Variants in IL1RAPL1 observed in about 807,000 individuals in gnomAD.
IL1RAPL1 encodes the protein interleukin 1 receptor accessory protein like 1, also known as interleukin-1 receptor accessory protein-like 1.
A neutral mutation model predicts 48.4 loss-of-function variants in IL1RAPL1; 3 were observed. That is an observed-to-expected ratio of 0.06 (90% confidence interval 0.03 to 0.16). The LOEUF is 0.16. IL1RAPL1 is among the 10% of genes least tolerant of loss of function. The pLI is 1.00. For missense variants in IL1RAPL1, 349 were observed against 530.6 expected (o/e 0.66, Z 3.36); for synonymous variants, 185 against 187.7 (o/e 0.99, Z 0.12).
At chrX:29,745,443 T>TG (rs1928310191) in intron 6 of IL1RAPL1, among the ~76,000 whole-genome samples, 1 of 81,663 alleles carries the variant, frequency 1.2e-5, no homozygotes, top group African/African-American at 4.6e-5. Flanking sequence ...TTTTTTTTTT[T>TG]TTTTTTTTTT....
intron 2 of IL1RAPL1, among the ~76,000 whole-genome samples, chrX:28,958,077 A>G (rs1164645058): frequency 8.9e-6 from 1 of 111,789 alleles, no homozygotes; most frequent in Non-Finnish European, 1.9e-5. Flanking sequence ...TGGCCAATGG[A>G]GCCAGTTATC....
intron 6 of IL1RAPL1, among the ~76,000 whole-genome samples, chrX:29,847,925 A>G (rs1228887535): frequency 9.0e-6 from 1 of 111,515 alleles, no homozygotes. Context: ...TTGAAGTTTT[A>G]TTCTGGAAAT....
chrX:28,873,626 G>A (rs1254298087), intron 2 of IL1RAPL1, among the ~76,000 whole-genome samples: 1 of 102,784 alleles, frequency 9.7e-6, no homozygotes, highest in Non-Finnish European at 2.0e-5. Flanking sequence ...CCGCCTCCGG[G>A]GTTCACGCCA....
At chrX:29,751,167 GTCA>G (rs1192011494) in intron 6 of IL1RAPL1, among the ~76,000 whole-genome samples, 1 of 111,206 alleles carries the variant, frequency 9.0e-6, no homozygotes, top group Non-Finnish European at 1.9e-5. Flanking sequence ...ATCAGAGCAA[GTCA>G]TCATCTAAAA....
intron 6 of IL1RAPL1, among the ~76,000 whole-genome samples, chrX:29,725,487 C>G (rs1391017157): frequency 9.0e-6 from 1 of 111,466 alleles, no homozygotes; most frequent in African/African-American, 3.3e-5. Flanking sequence ...AACACACGAT[C>G]GGCCTCCTAA....
At chrX:29,182,646 T>C (rs1930169269) in intron 2 of IL1RAPL1, among the ~76,000 whole-genome samples, 1 of 110,893 alleles carries the variant, frequency 9.0e-6, no homozygotes, top group Non-Finnish European at 1.9e-5. Flanking sequence ...TGAAACATTG[T>C]TTTGTCATTT....
At chrX:29,601,064 G>A (rs963954069) in intron 5 of IL1RAPL1, among the ~76,000 whole-genome samples, 4 of 111,366 alleles carry the variant, frequency 3.6e-5, no homozygotes, top group African/African-American at 1.3e-4. Context: ...AGCAGTGATC[G>A]GGTTCCTTCA....
intron 2 of IL1RAPL1, among the ~76,000 whole-genome samples, chrX:28,921,996 T>C (rs1923626092): frequency 2.7e-5 from 3 of 111,577 alleles, no homozygotes; most frequent in South Asian, 3.7e-4. Flanking sequence ...GGAAAAAACT[T>C]GCCTTAGTTT....
intron 8 of IL1RAPL1, among the ~76,000 whole-genome samples, chrX:29,940,112 C>T (rs1312187756): frequency 3.6e-5 from 4 of 111,040 alleles, no homozygotes; most frequent in Non-Finnish European, 5.7e-5. Context: ...ATCTGCCCGC[C>T]TTGGCCTCCC....
intron 2 of IL1RAPL1, among the ~76,000 whole-genome samples, chrX:28,833,362 G>A (rs73452836): frequency 0.12 from 13,520 of 111,254 alleles, 1,429 homozygotes; most frequent in African/African-American, 0.33. Context: ...GCTGGGTCAA[G>A]TGGTAGTTCT....
intron 5 of IL1RAPL1, among the ~76,000 whole-genome samples, chrX:29,484,736 A>T (rs1190684164): frequency 8.9e-6 from 1 of 111,981 alleles, no homozygotes; most frequent in Non-Finnish European, 1.9e-5. Context: ...TCATGGGCAT[A>T]TTCTAGATAA....
chrX:28,625,167 G>A (rs1934325968), intron 1 of IL1RAPL1, among the ~76,000 whole-genome samples: 1 of 111,876 alleles, frequency 8.9e-6, no homozygotes, highest in African/African-American at 3.3e-5. Flanking sequence ...GTGACTTCTG[G>A]TAGATCAAAT....
intron 2 of IL1RAPL1, among the ~76,000 whole-genome samples, chrX:29,230,848 G>A (rs1004332216): frequency 9.0e-6 from 1 of 111,403 alleles, no homozygotes; most frequent in Non-Finnish European, 1.9e-5. Flanking sequence ...TCTGTGATGA[G>A]GGCCCTGTAG....
intron 6 of IL1RAPL1, among the ~76,000 whole-genome samples, chrX:29,803,523 G>A (rs1453595342): frequency 1.0e-5 from 1 of 95,958 alleles, no homozygotes; most frequent in Non-Finnish European, 2.1e-5. Context: ...ATGTATATAT[G>A]TATATATGTA....
At chrX:29,794,307 C>T (rs113856215) in intron 6 of IL1RAPL1, among the ~76,000 whole-genome samples, 14 of 111,896 alleles carry the variant, frequency 1.3e-4, no homozygotes, top group African/African-American at 4.5e-4. Flanking sequence ...GTATACTTAA[C>T]TTAGTCTATT....
intron 1 of IL1RAPL1, among the ~76,000 whole-genome samples, chrX:28,693,245 A>G (rs1262041343): frequency 8.9e-6 from 1 of 111,970 alleles, no homozygotes; most frequent in Non-Finnish European, 1.9e-5. Context: ...TTTGGCAGCT[A>G]TATGGCTGAT....
intron 5 of IL1RAPL1, among the ~76,000 whole-genome samples, chrX:29,418,147 T>C: frequency 1.3e-5 from 1 of 77,751 alleles, no homozygotes; most frequent in Non-Finnish European, 2.3e-5. Context: ...TTTTTTGAGA[T>C]GGAGTCTTGC....
intron 2 of IL1RAPL1, among the ~76,000 whole-genome samples, chrX:29,004,184 A>G (rs1448607811): frequency 8.9e-6 from 1 of 112,405 alleles, no homozygotes; most frequent in East Asian, 2.8e-4. Flanking sequence ...CAGTTGATTT[A>G]ATAAATGGTT....
At chrX:29,513,298 T>C (rs1470203293) in intron 5 of IL1RAPL1, among the ~76,000 whole-genome samples, 1 of 111,576 alleles carries the variant, frequency 9.0e-6, no homozygotes, top group African/African-American at 3.2e-5. Context: ...AAATTTTGAT[T>C]ATCACCTACA....
Sources: allele counts gnomAD v4.1 joint callset (sites outside exome capture counted in the v4.1 genomes callset), GRCh38; gene constraint gnomAD v4.1.1; transcripts MANE v1.5; gene names NCBI Gene and HGNC (gene_info 2026-07-23, HGNC 2026-07-21).